The following EPB41 variants were observed in gnomAD, a reference collection of about 807,000 sequenced individuals.
EPB41 encodes the protein erythrocyte membrane protein band 4.1, also known as protein 4.1.
In EPB41, 65 loss-of-function variants were observed where a neutral mutation model predicts 108.0. The observed-to-expected ratio is 0.60, with a 90% CI of 0.49 to 0.74. EPB41 has a LOEUF of 0.74. Ranked by LOEUF, EPB41 falls within the 30% of genes least tolerant of loss-of-function variation. EPB41 has a pLI of 0.00. For synonymous variants in EPB41, 336 were observed against 358.9 expected, an observed-to-expected ratio of 0.94 and a Z score of 0.72; for missense variants, 875 against 1,037.0, an observed-to-expected ratio of 0.84 and a Z score of 2.15.
At chr1:29,092,298 T>C (rs1278753423) in intron 16 of EPB41, among the ~76,000 whole-genome samples, 2 of 152,056 alleles carry the variant, frequency 1.3e-5, no homozygotes, top group Admixed American at 6.6e-5. Flanking sequence ...GGTTTCTCCA[T>C]GTTGGACAGA....
At chr1:29,035,508 T>G (rs1639111502) in intron 9 of EPB41, among the ~76,000 whole-genome samples, 1 of 151,882 alleles carries the variant, frequency 6.6e-6, no homozygotes, top group Non-Finnish European at 1.5e-5. Context: ...GGAAAAGCAG[T>G]GTCTGGACAA....
intron 16 of EPB41, among the ~76,000 whole-genome samples, chr1:29,088,422 GTCTCAGCTTTGCC>G (rs936247096): frequency 1.3e-5 from 2 of 152,092 alleles, no homozygotes; most frequent in African/African-American, 4.8e-5. Context: ...ATCACATTAA[GTCTCAGCTTTGCC>G]TTTTTGTCAC....
chr1:29,091,021 G>A (rs1222939770), intron 16 of EPB41, among the ~76,000 whole-genome samples: 1 of 152,134 alleles, frequency 6.6e-6, no homozygotes, highest in Non-Finnish European at 1.5e-5. Context: ...GTAAATATTT[G>A]TTGAGTTGAA....
At chr1:28,912,305 A>G (rs1049669847), upstream of EPB41, among the ~76,000 whole-genome samples, 30 of 152,180 alleles carry the variant, frequency 2.0e-4, no homozygotes, top group African/African-American at 7.2e-4. Flanking sequence ...TAGAAAGTCA[A>G]GTAGGGTAAG....
At chr1:29,048,733 A>T (rs554863484) in intron 11 of EPB41, among the ~76,000 whole-genome samples, 15 of 152,302 alleles carry the variant, frequency 9.8e-5, no homozygotes, top group African/African-American at 3.6e-4. Context: ...GAAAGAGTAG[A>T]ATAAAAGTTA....
At chr1:28,889,906 T>A (rs2089924875) in intron 1 of EPB41, 1 of 915,784 alleles carries the variant, frequency 1.1e-6, no homozygotes, top group East Asian at 1.2e-4. Flanking sequence ...AGTTATGGTG[T>A]CCTGAGATTT....
chr1:29,036,169 A>G (rs1051034492), intron 10 of EPB41, among the ~76,000 whole-genome samples: 5 of 151,268 alleles, frequency 3.3e-5, no homozygotes, highest in Admixed American at 6.6e-5. Flanking sequence ...GGGAACCTGT[A>G]TTTACCAGGG....
chr1:28,898,367 T>G (rs1284354318), intron 1 of EPB41, among the ~76,000 whole-genome samples: 1 of 152,102 alleles, frequency 6.6e-6, no homozygotes, highest in East Asian at 1.9e-4. Context: ...GTCAATAACC[T>G]GGCTGCCCTG....
chr1:28,977,236 G>C (rs1377495654), intron 1 of EPB41, among the ~76,000 whole-genome samples: 1 of 151,996 alleles, frequency 6.6e-6, no homozygotes, highest in East Asian at 1.9e-4. Flanking sequence ...CCTAAATGGT[G>C]ATTATAAAGG....
At chr1:29,007,790 A>G (rs941203101) in intron 4 of EPB41, among the ~76,000 whole-genome samples, 6 of 151,886 alleles carry the variant, frequency 4.0e-5, no homozygotes, top group Admixed American at 2.6e-4. Flanking sequence ...TTCTCTCTCC[A>G]TACCTTAAAT....
chr1:28,979,083 G>A (rs1219457385), intron 1 of EPB41, among the ~76,000 whole-genome samples: 1 of 151,520 alleles, frequency 6.6e-6, no homozygotes, highest in East Asian at 1.9e-4. Flanking sequence ...TGATATTAGA[G>A]AAGCTGAATG....
chr1:29,050,766 C>G (rs1644351067), intron 11 of EPB41, among the ~76,000 whole-genome samples: 2 of 151,916 alleles, frequency 1.3e-5, no homozygotes, highest in Non-Finnish European at 2.9e-5. Flanking sequence ...AGCTCCACCT[C>G]CTGGGTTCAG....
intron 16 of EPB41, chr1:29,071,400 C>CAGATT (rs1050993882): frequency 6.6e-5 from 10 of 152,328 alleles, no homozygotes; most frequent in African/African-American, 2.4e-4. Flanking sequence ...GTCTGGAACA[C>CAGATT]AGATTTACTC....
At chr1:29,006,700 C>T (rs2096409579) in intron 4 of EPB41, among the ~76,000 whole-genome samples, 1 of 151,950 alleles carries the variant, frequency 6.6e-6, no homozygotes, top group South Asian at 2.1e-4. Flanking sequence ...GTAACTTCTT[C>T]CTCCAGCCTG....
At chr1:28,970,961 T>A (rs2095478492) in intron 1 of EPB41, among the ~76,000 whole-genome samples, 1 of 151,030 alleles carries the variant, frequency 6.6e-6, no homozygotes, top group Non-Finnish European at 1.5e-5. Context: ...GATTCTCCTG[T>A]CTCAGCCTCC....
chr1:28,925,052 G>A (rs906701819), intron 1 of EPB41, among the ~76,000 whole-genome samples: 1 of 149,298 alleles, frequency 6.7e-6, no homozygotes, highest in Non-Finnish European at 1.5e-5. Flanking sequence ...TGCAACCTCC[G>A]TCTCCCAGGT....
chr1:29,115,842 T>C lies in EPB41; in HGVS notation c.*6+39T>C. The stretch of plus-strand genomic sequence containing the variant: ...CTGCTGGGGCTGAGGGTGCCCACAG[T>C]CCCAGCCTGAGAGGGCTCTGGATGG... On this transcript the variant is annotated intron_variant, in intron 20 of 20. Coordinates refer to ENST00000343067, the MANE Select transcript of EPB41 (RefSeq NM_001376013.1). The surrounding 1 kb of genome is among the most constrained non-coding windows in gnomAD (Gnocchi z 4.4). 6.6e-7 allele frequency: 1 copy of C among 1,508,174 alleles called. No individual in the cohort carries two copies. Among genetic ancestry groups the C allele is most frequent in the Non-Finnish European group, 9.2e-7 (1 of 1,084,626 alleles). The allele number at this position is 1,508,174 out of a possible 1,614,324, so 93.4% of individuals were successfully genotyped here.
rs750798558 is a variant in EPB41 at position 28,987,639 on chromosome 1, A to G, written c.202A>G (p.Lys68Glu). The G allele has an allele frequency of 4.3e-6, 7 of 1,614,258 alleles. No homozygotes were observed. In the South Asian group the frequency reaches 7.7e-5, roughly 18 times the overall value. The change falls in exon 2 of 21, where the codon AAG becomes GAG. Residue 68 changes from lysine (K) to glutamate (E), a missense_variant. Transcript: ENST00000343067. ...GDTPTHEDLT[K>E]NKERTSESRG... Reference sequence around the variant, plus strand: ...CACTCCTACACATGAAGACTTGACCAAGAACAAGGAGCGGACATCAGAAAG... The same window carrying G: ...CACTCCTACACATGAAGACTTGACCGAGAACAAGGAGCGGACATCAGAAAG...
intron 1 of EPB41, among the ~76,000 whole-genome samples, chr1:28,920,919 T>G (rs1273364233): frequency 6.6e-6 from 1 of 152,082 alleles, no homozygotes; most frequent in Non-Finnish European, 1.5e-5. Flanking sequence ...GTGTGAGCCA[T>G]GGCGCCCAGC....
Sources: gnomAD v4.1 joint callset for allele counts (sites outside exome capture counted in the v4.1 genomes callset) on GRCh38, gnomAD v4.1.1 for gene constraint, Gnocchi (gnomAD v3.1) non-coding constraint, MANE v1.5 for transcripts, NCBI Gene and HGNC (gene_info 2026-07-23, HGNC 2026-07-21) for gene names.